FGD6: variants seen among roughly 807,000 people sequenced by gnomAD.
The protein encoded by FGD6 is FYVE, RhoGEF and PH domain containing 6.
A neutral mutation model predicts 149.4 loss-of-function variants in FGD6; 90 were observed. The ratio of observed to expected loss-of-function variants is 0.60; its 90% CI spans 0.51 to 0.72. The LOEUF is 0.72. Ranked by LOEUF, FGD6 falls within the 30% of genes least tolerant of loss-of-function variation. The pLI is 0.00. For synonymous variants in FGD6, 527 were observed against 584.0 expected (o/e 0.90, Z 1.41); for missense variants, 1,437 against 1,684.8 (o/e 0.85, Z 2.57).
chr12:95,197,793 C>T (rs1437183612), intron 2 of FGD6, among the ~76,000 whole-genome samples: 1 of 152,200 alleles, frequency 6.6e-6, no homozygotes, highest in Non-Finnish European at 1.5e-5. Flanking sequence ...CATGCATAAT[C>T]CTTTCCATGC....
intron 8 of FGD6, among the ~76,000 whole-genome samples, chr12:95,132,619 GCATAC>G (rs1879554515): frequency 6.6e-6 from 1 of 152,074 alleles, no homozygotes; most frequent in Admixed American, 6.6e-5. Flanking sequence ...GGGCGTGGTG[GCATAC>G]GCCTGTAGTC....
At chr12:95,187,565 A>C (rs1303619111) in intron 2 of FGD6, among the ~76,000 whole-genome samples, 1 of 151,566 alleles carries the variant, frequency 6.6e-6, no homozygotes, top group Non-Finnish European at 1.5e-5. Flanking sequence ...AGGCAGGAGA[A>C]TCACTTGAAC....
intron 5 of FGD6, among the ~76,000 whole-genome samples, chr12:95,149,993 TACACACACACACACACACACACAC>T (rs10652699): frequency 1.5e-5 from 2 of 131,998 alleles, no homozygotes; most frequent in African/African-American, 2.9e-5. Context: ...TGCTATATAT[TACACACACACACACACACACACAC>T]ACACACACAC....
chr12:95,166,237 T>G (rs887659737), intron 3 of FGD6, among the ~76,000 whole-genome samples: 10 of 152,162 alleles, frequency 6.6e-5, no homozygotes. Flanking sequence ...TTTTCCTGAG[T>G]TGCTAGAAAG....
At chr12:95,089,941 T>C (rs1173037403) in intron 17 of FGD6, among the ~76,000 whole-genome samples, 1 of 152,106 alleles carries the variant, frequency 6.6e-6, no homozygotes, top group Non-Finnish European at 1.5e-5. Context: ...TTTAGAATTA[T>C]GAAACACGTG....
At chr12:95,214,718 G>A (rs979884246) in intron 1 of FGD6, among the ~76,000 whole-genome samples, 7 of 152,142 alleles carry the variant, frequency 4.6e-5, no homozygotes, top group Admixed American at 3.3e-4. Context: ...GTTACACACA[G>A]ATGGCTGTGG....
intron 2 of FGD6, among the ~76,000 whole-genome samples, chr12:95,182,324 T>C (rs977945491): frequency 6.6e-6 from 1 of 150,692 alleles, no homozygotes; most frequent in African/African-American, 2.4e-5. Context: ...TGCCTCAGGC[T>C]CCAGAGTAGC....
chr12:95,152,726 T>G (rs1592854320), intron 5 of FGD6, 85 bp downstream of exon 5: 1 of 1,173,184 alleles, frequency 8.5e-7, no homozygotes, highest in East Asian at 2.5e-5. Context: ...TATCATTAAG[T>G]TAGTAATGCT....
intron 6 of FGD6, among the ~76,000 whole-genome samples, chr12:95,137,915 G>A (rs1489292245): frequency 6.6e-6 from 1 of 151,998 alleles, no homozygotes; most frequent in African/African-American, 2.4e-5. Context: ...AACACAAGGA[G>A]AGACTCTTAA....
chr12:95,175,029 T>C (rs1248585501), intron 2 of FGD6, among the ~76,000 whole-genome samples: 1 of 151,402 alleles, frequency 6.6e-6, no homozygotes, highest in African/African-American at 2.4e-5. Context: ...TTATTAAGAA[T>C]ATAGTAACTA....
intron 3 of FGD6, among the ~76,000 whole-genome samples, chr12:95,161,816 A>C (rs1402334500): frequency 6.6e-6 from 1 of 152,110 alleles, no homozygotes; most frequent in African/African-American, 2.4e-5. Flanking sequence ...AATAAGAAAA[A>C]ACTGTTCTAC....
chr12:95,125,375 A>G (rs956940181), intron 8 of FGD6, among the ~76,000 whole-genome samples: 17 of 152,186 alleles, frequency 1.1e-4, no homozygotes, highest in Middle Eastern at 3.2e-3. Flanking sequence ...GCTCATGCCT[A>G]TAATTCCAGC....
At position 95,209,639 on chromosome 12, in the gene FGD6, G is replaced by C. The variant is rs754075354; in HGVS notation, c.1645C>G (p.Arg549Gly). Residue 549 changes from arginine (R) to glycine (G), a missense_variant, in exon 2 of 21, where the codon CGT becomes GGT. Arg to Gly is a moderately radical substitution (Grantham distance 125). Around this residue, in one of 2 missense-constraint regions of FGD6, gnomAD observed 1,055 missense variants for 1,146.0 expected, o/e 0.92. Coordinates refer to ENST00000343958, the MANE Select transcript of FGD6 (RefSeq NM_018351.4). ...ATATCAAAGGAGGATGACACACCAC[G>C]GTTTTGGGCACACAAATGCTGAAGG... Reference protein sequence around the residue: ...NHLQHLCAQNRGVSSSFDMPK... With the variant: ...NHLQHLCAQNGGVSSSFDMPK... 6.8e-6 allele frequency: 11 copies of C among 1,613,166 alleles called. No homozygotes were observed. The Admixed American group carries it at 1.7e-4, about 25-fold the overall frequency.
intron 3 of FGD6, among the ~76,000 whole-genome samples, chr12:95,160,116 G>A (rs963708127): frequency 3.3e-5 from 5 of 149,936 alleles, no homozygotes; most frequent in Admixed American, 1.3e-4. Flanking sequence ...AGGCTGAGGT[G>A]GGAGGATCAC....
At chr12:95,149,506 T>TA (rs910108235) in intron 5 of FGD6, among the ~76,000 whole-genome samples, 13 of 137,328 alleles carry the variant, frequency 9.5e-5, no homozygotes, top group African/African-American at 3.2e-4. Context: ...TAATATATAG[T>TA]ATATTATATA....
intron 15 of FGD6, among the ~76,000 whole-genome samples, chr12:95,094,130 G>T (rs1249372437): frequency 1.3e-5 from 2 of 151,364 alleles, no homozygotes; most frequent in Non-Finnish European, 2.9e-5. Flanking sequence ...TTGCACTCCA[G>T]CCTGGGCAAT....
At chr12:95,148,516 A>C (rs1047110902) in intron 5 of FGD6, among the ~76,000 whole-genome samples, 81 of 116,492 alleles carry the variant, frequency 7.0e-4, no homozygotes, top group African/African-American at 2.4e-3. Flanking sequence ...AGCATATATT[A>C]TATTATATAT....
intron 3 of FGD6, among the ~76,000 whole-genome samples, chr12:95,159,925 T>G (rs550631631): frequency 1.3e-5 from 2 of 152,238 alleles, no homozygotes; most frequent in South Asian, 4.1e-4. Context: ...GAGGATCACT[T>G]GAGCCCAGGA....
intron 2 of FGD6, among the ~76,000 whole-genome samples, chr12:95,174,999 A>G (rs1881094960): frequency 6.6e-6 from 1 of 151,612 alleles, no homozygotes; most frequent in Non-Finnish European, 1.5e-5. Context: ...TTTCTTGGTC[A>G]AACATCATTT....
Sources: gnomAD v4.1 joint callset for allele counts (sites outside exome capture counted in the v4.1 genomes callset) on GRCh38, gnomAD v4.1.1 for gene constraint, gnomAD v4.1.1 regional missense constraint, MANE v1.5 for transcripts, NCBI Gene and HGNC (gene_info 2026-07-23, HGNC 2026-07-21) for gene names.